The following GNAO1 variants were observed in gnomAD, a reference collection of about 807,000 sequenced individuals.
The protein encoded by GNAO1 is guanine nucleotide-binding protein G(o) subunit alpha.
For missense variants in GNAO1, 166 were observed against 478.7 expected, an observed-to-expected ratio of 0.35 and a Z score of 6.10; for synonymous variants, 164 against 180.7, an observed-to-expected ratio of 0.91 and a Z score of 0.74.
At chr16:56,208,652 A>AT (rs1368398351) in intron 2 of GNAO1, among the ~76,000 whole-genome samples, 1 of 152,210 alleles carries the variant, frequency 6.6e-6, no homozygotes, top group East Asian at 1.9e-4. Flanking sequence ...GTACTGTCCA[A>AT]TTTTTTCAAT....
chr16:56,230,517 G>A (rs762699155), intron 2 of GNAO1, among the ~76,000 whole-genome samples: 1 of 152,172 alleles, frequency 6.6e-6, no homozygotes, highest in Non-Finnish European at 1.5e-5. Context: ...GAGAGACAGA[G>A]AGTATGAAAT....
At chr16:56,245,780 A>G (rs760219207) in intron 2 of GNAO1, among the ~76,000 whole-genome samples, 30 of 152,214 alleles carry the variant, frequency 2.0e-4, no homozygotes, top group Non-Finnish European at 3.4e-4. Context: ...CTGTCAAAAC[A>G]TGGCCCATGG....
chr16:56,219,562 T>C (rs2036465816), intron 2 of GNAO1, among the ~76,000 whole-genome samples: 1 of 152,160 alleles, frequency 6.6e-6, no homozygotes, highest in Non-Finnish European at 1.5e-5. Context: ...AGGAAATGTA[T>C]CCTTCACCTA....
chr16:56,207,230 C>T (rs1249034434), intron 2 of GNAO1, among the ~76,000 whole-genome samples: 1 of 152,184 alleles, frequency 6.6e-6, no homozygotes, highest in African/African-American at 2.4e-5. Context: ...CATTTGTTGG[C>T]TATCAGTGTG....
intron 2 of GNAO1, among the ~76,000 whole-genome samples, chr16:56,231,939 C>T (rs1421927230): frequency 1.3e-5 from 2 of 152,080 alleles, no homozygotes; most frequent in African/African-American, 4.8e-5. Context: ...CCTGTCAGTG[C>T]TTTTCCCATC....
At chr16:56,263,019 T>C (rs2036917966) in intron 2 of GNAO1, among the ~76,000 whole-genome samples, 1 of 152,244 alleles carries the variant, frequency 6.6e-6, no homozygotes, top group African/African-American at 2.4e-5. Flanking sequence ...CTGTGTGTCC[T>C]GACCCTTAGA....
intron 4 of GNAO1, among the ~76,000 whole-genome samples, chr16:56,331,999 G>A (rs955080164): frequency 2.0e-5 from 3 of 151,996 alleles, no homozygotes; most frequent in Non-Finnish European, 2.9e-5. Flanking sequence ...ATCCCACACC[G>A]AGGCCACCAG....
chr16:56,299,724 A>G (rs1313567243), intron 3 of GNAO1, among the ~76,000 whole-genome samples: 1 of 152,170 alleles, frequency 6.6e-6, no homozygotes, highest in African/African-American at 2.4e-5. Context: ...TTAAATTTGC[A>G]TGGGGAACTA....
At chr16:56,198,064 CA>C (rs1365804809) in intron 2 of GNAO1, among the ~76,000 whole-genome samples, 3 of 151,448 alleles carry the variant, frequency 2.0e-5, no homozygotes, top group Admixed American at 6.6e-5. Context: ...CAAAACAAAA[CA>C]AAAAAAACCA....
chr16:56,346,399 G>A, intron 6 of GNAO1: 2 of 985,426 alleles, frequency 2.0e-6, no homozygotes, highest in Non-Finnish European at 2.4e-6. Flanking sequence ...CTCGGATTTA[G>A]CAGGCCAAGC....
At chr16:56,338,118 A>G (rs1241033249) in intron 6 of GNAO1, among the ~76,000 whole-genome samples, 2 of 152,098 alleles carry the variant, frequency 1.3e-5, no homozygotes, top group African/African-American at 2.4e-5. Context: ...GGTGTGGGCT[A>G]CGGGGCACAG....
intron 2 of GNAO1, among the ~76,000 whole-genome samples, chr16:56,204,393 G>T (rs931373718): frequency 6.6e-6 from 1 of 152,182 alleles, no homozygotes; most frequent in Non-Finnish European, 1.5e-5. Context: ...CATGAGAGTG[G>T]ATGTGGTGTC....
rs1596883747 is a variant in GNAO1 at position 56,355,155 on chromosome 16, C to CACACACACACACACA, written c.*28+74_*28+75insACACACACACACACA. On this transcript the variant is annotated intron_variant, in intron 8 of 8. Transcript: ENST00000262493. The stretch of plus-strand genomic sequence containing the variant: ...ACACACACACACACACACACACACA[C>CACACACACACACACA]CACTAACAAATGCAAGTTGGTAAAT... The CACACACACACACACA allele has an allele frequency of 3.7e-5, 19 of 512,358 alleles. 1 individual carries two copies. In the South Asian group the frequency reaches 6.7e-4, roughly 18 times the overall value. The allele number at this position is 512,358 out of a possible 1,614,324, so 31.7% of individuals were successfully genotyped here. A position where few individuals can be genotyped will look rare whatever the true frequency, so the allele number is the denominator to read the frequency against.
At chr16:56,316,985 C>T (rs780878434) in intron 3 of GNAO1, among the ~76,000 whole-genome samples, 1 of 152,188 alleles carries the variant, frequency 6.6e-6, no homozygotes, top group Admixed American at 6.5e-5. Context: ...GGGCCACAGT[C>T]GCCTTCCCAC....
At chr16:56,237,164 A>C (rs2036645465) in intron 2 of GNAO1, among the ~76,000 whole-genome samples, 1 of 152,236 alleles carries the variant, frequency 6.6e-6, no homozygotes, top group African/African-American at 2.4e-5. Flanking sequence ...TCTCTCTTAT[A>C]ATTGTACATG....
At chr16:56,346,285 CGTGGAT>C (rs1315299535) in intron 6 of GNAO1, 12 of 985,374 alleles carry the variant, frequency 1.2e-5, no homozygotes, top group Non-Finnish European at 1.4e-5. Flanking sequence ...TTGGCTCCGT[CGTGGAT>C]GTGGATGTGG....
At chr16:56,220,937 A>G (rs188496425) in intron 2 of GNAO1, among the ~76,000 whole-genome samples, 196 of 152,176 alleles carry the variant, frequency 1.3e-3, no homozygotes, top group African/African-American at 4.5e-3. Context: ...TAGTAGAGAC[A>G]GGGTTTCACC....
intron 6 of GNAO1, chr16:56,348,288 T>G: frequency 1.6e-6 from 1 of 618,588 alleles, no homozygotes; most frequent in Non-Finnish European, 2.0e-6. Context: ...CCCATCCTGG[T>G]CCCAGGACTG....
Position 56,276,059 on chromosome 16 carries a change from A to T in GNAO1, c.290A>T (p.Asp97Val), listed in dbSNP as rs778669032. ...GACACTTTGGGCATCGAATATGGTG[A>T]TAAGGAGAGAAAGGTAGGCCCCTGA... ...AMDTLGIEYG[D>V]KERKADAKMV... The change falls in exon 3 of 9, where the codon GAT (aspartate) becomes GTT (valine). Residue 97 changes from aspartate to valine, a missense_variant. Asp to Val is a radical substitution (Grantham distance 152). Coordinates refer to ENST00000262493, the MANE Select transcript of GNAO1 (RefSeq NM_020988.3). The T allele has an allele frequency of 6.2e-7, 1 of 1,613,726 alleles. No individual in the cohort carries two copies. Among genetic ancestry groups the T allele is most frequent in the Admixed American group, 1.7e-5 (1 of 59,954 alleles).
Sources: gnomAD v4.1 joint callset for allele counts (sites outside exome capture counted in the v4.1 genomes callset) on GRCh38, gnomAD v4.1.1 for gene constraint, MANE v1.5 for transcripts, NCBI Gene and HGNC (gene_info 2026-07-23, HGNC 2026-07-21) for gene names.